Variants in SLC67A2 observed in about 807,000 individuals in gnomAD.
SLC67A2 encodes the protein solute carrier family 67 member 2.
the SLC67A2 span, among the ~76,000 whole-genome samples, chr2:102,714,686 G>T: frequency 6.6e-6 from 1 of 151,952 alleles, no homozygotes; most frequent in Non-Finnish European, 1.5e-5. Flanking sequence ...GCAAATTCAA[G>T]AAAAAAACAT....
the SLC67A2 span, among the ~76,000 whole-genome samples, chr2:102,732,892 G>T: frequency 1.3e-5 from 2 of 152,232 alleles, no homozygotes; most frequent in African/African-American, 4.8e-5. Flanking sequence ...GTGTTTTGCA[G>T]CTAAGTCATA....
the SLC67A2 span, among the ~76,000 whole-genome samples, chr2:102,735,148 G>A: frequency 6.6e-5 from 10 of 152,308 alleles, no homozygotes; most frequent in Admixed American, 2.0e-4. Flanking sequence ...GCATCCCCAT[G>A]CTGAGAATGA....
At chr2:102,716,236 CT>C in the SLC67A2 span, 6 of 152,072 alleles carry the variant, frequency 3.9e-5, no homozygotes, top group Non-Finnish European at 8.8e-5. Flanking sequence ...AGTTTATGGG[CT>C]TTTTAAACTT....
At chr2:102,726,900 G>T in the SLC67A2 span, 1 of 1,613,354 alleles carries the variant, frequency 6.2e-7, no homozygotes, top group East Asian at 2.2e-5. Flanking sequence ...CTCCGAGAAG[G>T]AGATAGCCCA....
chr2:102,726,599 T>TAGAC, the SLC67A2 span, among the ~76,000 whole-genome samples: 2 of 151,680 alleles, frequency 1.3e-5, no homozygotes, highest in Non-Finnish European at 2.9e-5. Context: ...GATATAGACA[T>TAGAC]AGACACACAC....
At chr2:102,736,268 C>G in the SLC67A2 span, among the ~76,000 whole-genome samples, 1 of 152,090 alleles carries the variant, frequency 6.6e-6, no homozygotes, top group African/African-American at 2.4e-5. Context: ...CCTACCTCAC[C>G]AGCAGCCGCA....
the SLC67A2 span, chr2:102,736,509 G>C: frequency 1.9e-6 from 3 of 1,572,894 alleles, no homozygotes; most frequent in Admixed American, 1.9e-5. Context: ...AGGAGAGCTT[G>C]ATAGGTAGTG....
At chr2:102,724,231 G>A in the SLC67A2 span, among the ~76,000 whole-genome samples, 1 of 152,008 alleles carries the variant, frequency 6.6e-6, no homozygotes, top group East Asian at 1.9e-4. Flanking sequence ...TCCCAGTTAC[G>A]CTTGCATTTC....
chr2:102,735,842 G>GCA, the SLC67A2 span, among the ~76,000 whole-genome samples: 1 of 78,738 alleles, frequency 1.3e-5, no homozygotes, highest in African/African-American at 5.8e-5. Context: ...GGACACGCGC[G>GCA]CGCGCACACA....
the SLC67A2 span, among the ~76,000 whole-genome samples, chr2:102,722,959 A>C: frequency 6.6e-6 from 1 of 152,226 alleles, no homozygotes; most frequent in Non-Finnish European, 1.5e-5. Flanking sequence ...AAAAAAAACA[A>C]AAACAAAAAC....
At chr2:102,734,081 T>C in the SLC67A2 span, among the ~76,000 whole-genome samples, 2 of 152,244 alleles carry the variant, frequency 1.3e-5, no homozygotes, top group Non-Finnish European at 2.9e-5. Flanking sequence ...CATCTGGTCA[T>C]GTGCATGTAA....
the SLC67A2 span, chr2:102,716,418 G>A: frequency 1.3e-5 from 2 of 152,102 alleles, no homozygotes; most frequent in African/African-American, 4.8e-5. Flanking sequence ...TAATCTCCAT[G>A]AGATTTAATT....
At chr2:102,720,644 C>A in the SLC67A2 span, among the ~76,000 whole-genome samples, 1 of 152,160 alleles carries the variant, frequency 6.6e-6, no homozygotes, top group Admixed American at 6.5e-5. Flanking sequence ...TGTTTTGTTA[C>A]CCCATTTTAT....
the SLC67A2 span, chr2:102,718,815 G>A: frequency 6.5e-5 from 105 of 1,613,750 alleles, no homozygotes; most frequent in African/African-American, 3.1e-4. Flanking sequence ...TTGTACAGCC[G>A]TAGGATTGGC....
the SLC67A2 span, among the ~76,000 whole-genome samples, chr2:102,714,861 C>G: frequency 6.6e-6 from 1 of 152,150 alleles, no homozygotes; most frequent in African/African-American, 2.4e-5. Flanking sequence ...TTATGCATTC[C>G]AAATAAATAG....
chr2:102,732,824 T>C, the SLC67A2 span, among the ~76,000 whole-genome samples: 3 of 152,170 alleles, frequency 2.0e-5, no homozygotes, highest in Non-Finnish European at 4.4e-5. Context: ...AAATAATACC[T>C]GAGAAGAAAG....
the SLC67A2 span, chr2:102,731,184 G>T: frequency 1.5e-6 from 1 of 684,914 alleles, no homozygotes; most frequent in African/African-American, 1.9e-5. Flanking sequence ...ATACCTTTTT[G>T]TTTTAAATTA....
the SLC67A2 span, among the ~76,000 whole-genome samples, chr2:102,730,362 T>C: frequency 1.3e-5 from 2 of 151,714 alleles, no homozygotes; most frequent in Non-Finnish European, 2.9e-5. Flanking sequence ...CTCTGGATCT[T>C]TCTACTCCAT....
the SLC67A2 span, chr2:102,718,813 C>T: frequency 2.5e-5 from 40 of 1,613,832 alleles, 1 homozygote; most frequent in South Asian, 4.4e-4. Context: ...GCTTGTACAG[C>T]CGTAGGATTG....
Sources: allele counts gnomAD v4.1 joint callset (sites outside exome capture counted in the v4.1 genomes callset), GRCh38; gene constraint gnomAD v4.1.1; transcripts MANE v1.5; gene names NCBI Gene and HGNC (gene_info 2026-07-23, HGNC 2026-07-21).